TOPBP1: variants seen among roughly 807,000 people sequenced by gnomAD.
TOPBP1 encodes the protein DNA topoisomerase II binding protein 1, also known as DNA topoisomerase 2-binding protein 1.
A neutral mutation model predicts 167.7 loss-of-function variants in TOPBP1; 28 were observed. The observed-to-expected ratio is 0.17, with a 90% confidence interval of 0.12 to 0.23. The LOEUF is 0.23. Among genes scored for constraint, TOPBP1 ranks in the 10% least tolerant of loss-of-function variants. The pLI, the probability that TOPBP1 is intolerant of heterozygous loss-of-function variation, is 1.00. For missense variants in TOPBP1, 1,554 were observed against 1,809.6 expected (o/e 0.86, Z 2.56); for synonymous variants, 598 against 611.4 (o/e 0.98, Z 0.32).
chr3:133,614,042 CAGCCTCTCA>C (rs11277773), intron 23 of TOPBP1, among the ~76,000 whole-genome samples: 2,269 of 152,190 alleles, frequency 0.015, 66 homozygotes, highest in African/African-American at 0.051. Context: ...CTGCCCACCT[CAGCCTCTCA>C]AAGTTCTGGG....
At chr3:133,657,142 T>C (rs1331237342) in intron 4 of TOPBP1, among the ~76,000 whole-genome samples, 1 of 151,102 alleles carries the variant, frequency 6.6e-6, no homozygotes, top group African/African-American at 2.4e-5. Context: ...TAAATATACA[T>C]GTGTATTTTT....
rs534117720 is a variant in TOPBP1 at position 133,658,030 on chromosome 3, T to C, written c.220-89A>G. ...CATTTTGTAACATTCACCAATTCTT[T>C]ACCAAAGTTGATGACCACTGTAGAG... is the stretch of plus-strand genomic sequence containing the variant. On this transcript the variant is annotated intron_variant, in intron 3 of 27. Transcript: ENST00000260810. 48 of 1,125,412 alleles carry C rather than the reference T, an allele frequency of 4.3e-5. 1 individual carries two copies. In the African/African-American group the frequency reaches 6.3e-4, roughly 15 times the overall value. 69.7% of individuals were successfully genotyped at this position (1,125,412 alleles called of 1,614,324 possible). A position where few individuals can be genotyped will look rare whatever the true frequency, so the allele number is the denominator to read the frequency against.
intron 2 of TOPBP1, 105 bp from the exon 3 acceptor site, chr3:133,659,255 C>T: frequency 8.5e-7 from 1 of 1,174,916 alleles, no homozygotes; most frequent in East Asian, 2.6e-5. Flanking sequence ...TGAAAGCCAC[C>T]ATCACATCTC....
At chr3:133,649,294 C>T (rs369929749) in intron 10 of TOPBP1, 89 bp downstream of exon 10, 2 of 1,457,862 alleles carry the variant, frequency 1.4e-6, no homozygotes, top group Non-Finnish European at 1.8e-6. Context: ...AACTTAAAAT[C>T]TAGAAAACTT....
chr3:133,618,272 T>C lies in TOPBP1; in HGVS notation c.3533A>G (p.Gln1178Arg). The C allele has an allele frequency of 6.2e-7, 1 of 1,614,006 alleles. No homozygotes were observed. Among genetic ancestry groups the C allele is most frequent in the Non-Finnish European group, 8.5e-7 (1 of 1,179,866 alleles). ...TQYSELQVDI[Q>R]NLEDSPFQKP... ...TTGAAAAGGAGAATCCTCCAAGTTT[T>C]GAATGTCAACCTGAAGCTCAGAGTA... Residue 1178 changes from glutamine to arginine, a missense_variant, in exon 21 of 28, where the codon CAA becomes CGA. Gln to Arg is a conservative substitution (Grantham distance 43, BLOSUM62 1). Coordinates refer to ENST00000260810, the MANE Select transcript of TOPBP1 (RefSeq NM_007027.4).
At chr3:133,618,746 C>T (rs974501359) in intron 20 of TOPBP1, among the ~76,000 whole-genome samples, 1 of 152,102 alleles carries the variant, frequency 6.6e-6, no homozygotes, top group Admixed American at 6.5e-5. Context: ...GTAATTGGTA[C>T]ATTTAAAAAT....
intron 27 of TOPBP1, among the ~76,000 whole-genome samples, chr3:133,606,956 C>G (rs1934514044): frequency 6.6e-6 from 1 of 151,832 alleles, no homozygotes; most frequent in Admixed American, 6.6e-5. Context: ...AACAAACAAA[C>G]AAAGAGACCA....
chr3:133,648,197 T>C (rs964781036), intron 10 of TOPBP1, among the ~76,000 whole-genome samples: 3 of 152,190 alleles, frequency 2.0e-5, no homozygotes, highest in Admixed American at 2.0e-4. Flanking sequence ...AATATCTCTG[T>C]GCTTAAAGAA....
chr3:133,609,788 C>T (rs1332648526), intron 25 of TOPBP1, among the ~76,000 whole-genome samples: 3 of 152,178 alleles, frequency 2.0e-5, no homozygotes, highest in Non-Finnish European at 4.4e-5. Context: ...AAACCTCTTT[C>T]CTTTATAAAT....
intron 14 of TOPBP1, among the ~76,000 whole-genome samples, chr3:133,632,929 C>T (rs1238501088): frequency 2.0e-5 from 3 of 152,146 alleles, no homozygotes; most frequent in Non-Finnish European, 4.4e-5. Flanking sequence ...TGCACCACCA[C>T]ACCCAGCTAA....
chr3:133,654,359 C>T (rs1177432846), intron 6 of TOPBP1, among the ~76,000 whole-genome samples: 1 of 152,100 alleles, frequency 6.6e-6, no homozygotes, highest in East Asian at 1.9e-4. Flanking sequence ...AAATCTTCAA[C>T]ACAATGTATT....
intron 21 of TOPBP1, 117 bp downstream of exon 21, chr3:133,618,096 C>T (rs888456682): frequency 6.8e-5 from 57 of 833,632 alleles, no homozygotes; most frequent in Middle Eastern, 3.0e-4. Flanking sequence ...GAAATATCTA[C>T]GAAGTTTTTT....
At chr3:133,619,272 AGGTTC>A (rs1303191407) in intron 20 of TOPBP1, among the ~76,000 whole-genome samples, 1 of 152,164 alleles carries the variant, frequency 6.6e-6, no homozygotes, top group Non-Finnish European at 1.5e-5. Context: ...TACAGGATTT[AGGTTC>A]TCTATAATGA....
intron 27 of TOPBP1, among the ~76,000 whole-genome samples, chr3:133,603,712 A>G (rs1410193922): frequency 6.7e-6 from 1 of 148,936 alleles, no homozygotes; most frequent in Non-Finnish European, 1.5e-5. Context: ...TGACAAAATT[A>G]AAGAGAAAAA....
chr3:133,635,237 A>G (rs1036542602), intron 14 of TOPBP1, among the ~76,000 whole-genome samples: 1 of 152,104 alleles, frequency 6.6e-6, no homozygotes, highest in African/African-American at 2.4e-5. Context: ...GGCATGAGCC[A>G]CTATGTCCAG....
intron 9 of TOPBP1, 35 bp from the exon 10 acceptor site, chr3:133,649,668 A>G (rs1195914490): frequency 6.2e-7 from 1 of 1,605,892 alleles, no homozygotes; most frequent in Admixed American, 1.7e-5. Flanking sequence ...TATTAGTGCA[A>G]GCTATAAAGA....
intron 8 of TOPBP1, 146 bp downstream of exon 8, chr3:133,652,317 T>C (rs550351702): frequency 1.4e-6 from 1 of 737,634 alleles, no homozygotes; most frequent in African/African-American, 1.8e-5. Context: ...AGGATGGACA[T>C]GGTCTAGTAA....
chr3:133,636,382 A>T (rs1300081102), intron 14 of TOPBP1, among the ~76,000 whole-genome samples: 1 of 106,484 alleles, frequency 9.4e-6, no homozygotes, highest in Non-Finnish European at 2.1e-5. Flanking sequence ...ACCATATTAT[A>T]TCAGTTTGAA....
intron 12 of TOPBP1, 101 bp from the exon 13 acceptor site, chr3:133,640,271 G>A: frequency 1.0e-6 from 1 of 986,760 alleles, no homozygotes; most frequent in Non-Finnish European, 1.5e-6. Flanking sequence ...GATCATGTAA[G>A]TATAAAAAAA....
Sources: gnomAD v4.1 joint callset for allele counts (sites outside exome capture counted in the v4.1 genomes callset) on GRCh38, gnomAD v4.1.1 for gene constraint, MANE v1.5 for transcripts, NCBI Gene and HGNC (gene_info 2026-07-23, HGNC 2026-07-21) for gene names.